The following SCART1 variants were observed in gnomAD, a reference collection of about 807,000 sequenced individuals.
The protein encoded by SCART1 is scavenger receptor cysteine-rich domain-containing protein SCART1.
Under a neutral mutation model 36.2 loss-of-function variants are expected in SCART1, and 62 were observed. That is an observed-to-expected ratio of 1.71 (90% CI 1.40 to 2.12). The LOEUF (loss-of-function observed/expected upper bound fraction) is 2.12, where lower values mean the gene tolerates loss of function less well. Among genes scored for constraint, SCART1 ranks in the 30% most tolerant of loss-of-function variants. The probability of loss-of-function intolerance (pLI) is 0.00; values close to 1 mark genes in which losing one functional copy is unlikely to be tolerated. For missense variants in SCART1, 1,041 were observed against 540.5 expected, an observed-to-expected ratio of 1.93 and a Z score of -9.18; for synonymous variants, 487 against 238.7, an observed-to-expected ratio of 2.04 and a Z score of -9.59.
chr10:133,458,573 G>A, exon 4 of SCART1: 1 of 686,660 alleles, frequency 1.5e-6, no homozygotes. Flanking sequence ...CGCTGTGCGG[G>A]CAACGAGTCG....
At chr10:133,459,948 G>A (rs1011756406) in exon 6 of SCART1, 3 of 545,238 alleles carry the variant, frequency 5.5e-6, no homozygotes, top group Admixed American at 3.8e-5. Flanking sequence ...CGTGTGTGAC[G>A]ATGCCTGGGA....
At chr10:133,464,368 A>C in intron 6 of SCART1, 1 of 471,160 alleles carries the variant, frequency 2.1e-6, no homozygotes. Context: ...CTGGGCGTGC[A>C]GTGAACCTGG....
chr10:133,458,399 G>A (rs1324481581), exon 4 of SCART1: 1 of 702,378 alleles, frequency 1.4e-6, no homozygotes, highest in Admixed American at 2.0e-5. Flanking sequence ...GAGCACCCCT[G>A]CGCCGGGCGC....
At chr10:133,458,104 A>G in intron 3 of SCART1, 1 of 680,606 alleles carries the variant, frequency 1.5e-6, no homozygotes, top group Non-Finnish European at 2.7e-6. Flanking sequence ...TCGGACAGGC[A>G]GAGGCTGTGA....
exon 7 of SCART1, chr10:133,464,713 C>T: frequency 2.9e-6 from 2 of 701,650 alleles, no homozygotes; most frequent in Non-Finnish European, 2.6e-6. Flanking sequence ...CCTGAAGGAC[C>T]TCTCCTTGTC....
intron 3 of SCART1, 102 bp from the exon 4 acceptor site, chr10:133,458,258 A>C (rs1053747736): frequency 1.4e-6 from 1 of 701,282 alleles, no homozygotes; most frequent in Non-Finnish European, 2.6e-6. Context: ...GCCTAGATGC[A>C]GGTGATGGCT....
chr10:133,465,144 C>G (rs543658876), exon 8 of SCART1: 8 of 703,046 alleles, frequency 1.1e-5, no homozygotes, highest in Admixed American at 8.0e-5. Context: ...TGGGGAGCCC[C>G]TCAACTGCTC....
At position 133,456,565 on chromosome 10, in the gene SCART1, A is replaced by G; in HGVS notation, c.385+11A>G. The stretch of plus-strand genomic sequence containing the variant: ...TCGCGCTGTGCTCCAGTAAGTAGGG[A>G]GGAGTGAAGGGGACGGGGCTGAGGA... On this transcript the variant is annotated intron_variant, in intron 2 of 11. Coordinates refer to ENST00000640237, the Ensembl canonical transcript of SCART1. 1.5e-6 allele frequency: 1 copy of G among 645,624 alleles called. No individual in the cohort carries two copies. The allele number at this position is 645,624 out of a possible 1,614,324, so 40.0% of individuals were successfully genotyped here.
At chr10:133,455,870 G>A (rs1850603087) in intron 1 of SCART1, among the ~76,000 whole-genome samples, 1 of 152,060 alleles carries the variant, frequency 6.6e-6, no homozygotes, top group Non-Finnish European at 1.5e-5. Flanking sequence ...TGTGACAGTG[G>A]TGGGCTGGAG....
exon 6 of SCART1, chr10:133,459,522 A>T: frequency 1.5e-6 from 1 of 677,364 alleles, no homozygotes; most frequent in Middle Eastern, 2.4e-4. Flanking sequence ...GGAAGGACAG[A>T]GCCGCTGTGA....
Position 133,459,595 on chromosome 10 carries a change from TG to T in SCART1, c.1395del (p.Arg466AlafsTer33). 1.5e-6 allele frequency: 1 copy of T among 672,608 alleles called. No individual in the cohort carries two copies. Among genetic ancestry groups the T allele is most frequent in the Admixed American group, 2.2e-5 (1 of 46,294 alleles). The allele number at this position is 672,608 out of a possible 1,614,324, so 41.7% of individuals were successfully genotyped here. A position where few individuals can be genotyped will look rare whatever the true frequency, so the allele number is the denominator to read the frequency against. On this transcript the variant is annotated frameshift_variant, in exon 6 of 12. Coordinates refer to ENST00000640237, the Ensembl canonical transcript of SCART1. LOFTEE classifies it high-confidence loss of function. Reference sequence around the variant, plus strand: ...CGCGTCCTGGACGATGCCTGGGACCTGCGCGGCGCGGGCGTGGTGTGCCGGC... The same window carrying T: ...CGCGTCCTGGACGATGCCTGGGACCTCGCGGCGCGGGCGTGGTGTGCCGGC...
Position 133,456,168 on chromosome 10 carries a change from C to T in SCART1, c.68-69C>T, listed in dbSNP as rs143629373. On this transcript the variant is annotated intron_variant, in intron 1 of 11. Transcript: ENST00000640237. Reference sequence around the variant, plus strand: ...GGCCTCACAGGCCGTTCCCTGCTGCCGCGGCTGCCATCTCCTCCTGCGCCT... The same window carrying T: ...GGCCTCACAGGCCGTTCCCTGCTGCTGCGGCTGCCATCTCCTCCTGCGCCT... The T allele has an allele frequency of 2.7e-3, 1,735 of 654,514 alleles. 4 individuals are homozygous for T. Among genetic ancestry groups the T allele is most frequent in the African/African-American group, 8.8e-3 (496 of 56,540 alleles). 40.5% of individuals were successfully genotyped at this position (654,514 alleles called of 1,614,324 possible). A position where few individuals can be genotyped will look rare whatever the true frequency, so the allele number is the denominator to read the frequency against.
chr10:133,457,958 G>A (rs1850640787), intron 3 of SCART1: 1 of 513,036 alleles, frequency 1.9e-6, no homozygotes, highest in Middle Eastern at 5.3e-4. Flanking sequence ...TCCTGGCCTT[G>A]TTGTGCATAT....
In SCART1 at chr10:133,456,864, G is replaced by A. The variant is rs774358665; in HGVS notation, c.385+310G>A. On this transcript the variant is annotated intron_variant, in intron 2 of 11. Coordinates refer to ENST00000640237, the Ensembl canonical transcript of SCART1. The stretch of plus-strand genomic sequence containing the variant: ...GGGGCGGGGTCTGTGGACGCCTGAG[G>A]CCCACACAGGTAGCTGATGATGGTT... 5.3e-5 allele frequency among the ~76,000 whole-genome samples: 8 copies of A among 152,306 alleles called. No homozygotes were observed. In the South Asian group the frequency reaches 6.2e-4, roughly 12 times the overall value.
At chr10:133,458,322 A>G in intron 3 of SCART1, 38 bp from the exon 4 acceptor site, 1 of 702,408 alleles carries the variant, frequency 1.4e-6, no homozygotes, top group Non-Finnish European at 2.6e-6. Flanking sequence ...TTGACCTGAG[A>G]ACACCTGTCT....
chr10:133,467,045 C>T, intron 10 of SCART1, 153 bp from the exon 11 acceptor site: 1 of 541,580 alleles, frequency 1.8e-6, no homozygotes, highest in Non-Finnish European at 3.3e-6. Flanking sequence ...CACTGGGAGT[C>T]TGGCTATGTT....
At chr10:133,468,260 T>C (rs950142064) in exon 12 of SCART1, 1 of 255,774 alleles carries the variant, frequency 3.9e-6, no homozygotes, top group African/African-American at 2.2e-5. Flanking sequence ...TAGAGACACA[T>C]GGTGCCATCT....
At chr10:133,463,233 C>T (rs570314099) in intron 6 of SCART1, among the ~76,000 whole-genome samples, 56 of 152,266 alleles carry the variant, frequency 3.7e-4, no homozygotes, top group African/African-American at 1.3e-3. Context: ...CACAGACACA[C>T]ACACACACTT....
intron 1 of SCART1, among the ~76,000 whole-genome samples, chr10:133,455,322 T>TG (rs1424384516): frequency 1.3e-5 from 2 of 151,358 alleles, no homozygotes; most frequent in Admixed American, 1.3e-4. Context: ...AAGAACCAGG[T>TG]GGGGAGGGTG....
Sources: gnomAD v4.1 joint callset for allele counts (sites outside exome capture counted in the v4.1 genomes callset) on GRCh38, gnomAD v4.1.1 for gene constraint, MANE v1.5 for transcripts, NCBI Gene and HGNC (gene_info 2026-07-23, HGNC 2026-07-21) for gene names.